The following LRRTM4 variants were observed in gnomAD, a reference collection of about 807,000 sequenced individuals.
LRRTM4 encodes leucine-rich repeat transmembrane neuronal protein 4.
A neutral mutation model predicts 47.6 loss-of-function variants in LRRTM4; 25 were observed. The observed-to-expected ratio is 0.53, with a 90% CI of 0.38 to 0.73. The LOEUF is 0.73. LRRTM4 is among the 30% of genes least tolerant of loss of function. The pLI is 0.00. For missense variants in LRRTM4, 638 were observed against 713.4 expected, an observed-to-expected ratio of 0.89 and a Z score of 1.20; for synonymous variants, 311 against 269.5, an observed-to-expected ratio of 1.15 and a Z score of -1.51.
chr2:77,188,683 T>C (rs1037426905), intron 3 of LRRTM4, among the ~76,000 whole-genome samples: 2 of 152,146 alleles, frequency 1.3e-5, no homozygotes, highest in Admixed American at 6.6e-5. Flanking sequence ...GACGATAACA[T>C]CTAATGTGTG....
At chr2:77,124,418 C>G (rs937272916) in intron 3 of LRRTM4, among the ~76,000 whole-genome samples, 1 of 152,040 alleles carries the variant, frequency 6.6e-6, no homozygotes, top group Non-Finnish European at 1.5e-5. Context: ...TTTTAGCCCC[C>G]CTCCCGCCAA....
At chr2:77,388,815 G>A (rs547531925) in intron 3 of LRRTM4, among the ~76,000 whole-genome samples, 3 of 151,922 alleles carry the variant, frequency 2.0e-5, no homozygotes, top group South Asian at 4.1e-4. Flanking sequence ...TAAAAAATCT[G>A]TATGTATTTA....
intron 3 of LRRTM4, among the ~76,000 whole-genome samples, chr2:77,102,560 T>C (rs1378169935): frequency 2.0e-5 from 3 of 152,246 alleles, no homozygotes; most frequent in Non-Finnish European, 4.4e-5. Context: ...TCTCCTGTTT[T>C]ATAAAACTTT....
At position 77,354,510 on chromosome 2, in the gene LRRTM4, G is replaced by A. The variant is rs567973298; in HGVS notation, c.1551+163808C>T. ...CTATCACTAACCAACTATGTGACTC[G>A]GTAAGTTTCCCAGAAGCAAACCTTG... On this transcript the variant is annotated intron_variant, in intron 3 of 3. Coordinates refer to ENST00000409884, the MANE Select transcript of LRRTM4 (RefSeq NM_001134745.3). Among the ~76,000 whole-genome samples the A allele has an allele frequency of 7.2e-5, 11 of 152,072 alleles. No individual in the cohort carries two copies. The South Asian group carries it at 2.1e-3, about 29-fold the overall frequency.
At chr2:76,764,219 TAA>T (rs1403496686) in intron 3 of LRRTM4, among the ~76,000 whole-genome samples, 2 of 152,154 alleles carry the variant, frequency 1.3e-5, no homozygotes, top group Non-Finnish European at 2.9e-5. Flanking sequence ...AACCAGAACT[TAA>T]AGATTTGGAG....
chr2:77,245,301 C>A (rs11888579), intron 3 of LRRTM4, among the ~76,000 whole-genome samples: 1 of 151,836 alleles, frequency 6.6e-6, no homozygotes, highest in Non-Finnish European at 1.5e-5. Flanking sequence ...AATCCTAGCA[C>A]TTTGGGAAGC....
intron 3 of LRRTM4, among the ~76,000 whole-genome samples, chr2:77,329,799 ACT>A (rs2104247514): frequency 6.6e-6 from 1 of 152,234 alleles, no homozygotes; most frequent in South Asian, 2.1e-4. Flanking sequence ...GTGAAGGATA[ACT>A]TATAGAGGGG....
chr2:77,500,624 T>C (rs894699807), intron 3 of LRRTM4, among the ~76,000 whole-genome samples: 2 of 151,582 alleles, frequency 1.3e-5, no homozygotes, highest in Non-Finnish European at 3.0e-5. Flanking sequence ...TAAATGAAAA[T>C]CAACATAAGT....
intron 3 of LRRTM4, among the ~76,000 whole-genome samples, chr2:76,844,038 A>G (rs1671767499): frequency 6.6e-6 from 1 of 151,308 alleles, no homozygotes; most frequent in Admixed American, 6.6e-5. Flanking sequence ...ATTAGCTGGA[A>G]CTACAGGCGC....
At chr2:76,761,451 T>C (rs999109866) in intron 3 of LRRTM4, among the ~76,000 whole-genome samples, 1 of 152,170 alleles carries the variant, frequency 6.6e-6, no homozygotes, top group Admixed American at 6.5e-5. Context: ...TGCAATTCAG[T>C]TGGGTAAGTT....
chr2:77,408,601 C>G (rs924931048), intron 3 of LRRTM4, among the ~76,000 whole-genome samples: 2 of 152,162 alleles, frequency 1.3e-5, no homozygotes, highest in Non-Finnish European at 2.9e-5. Flanking sequence ...AACTGGACCA[C>G]TGACTGCTAT....
intron 3 of LRRTM4, chr2:76,987,424 A>T (rs777721520): frequency 3.3e-5 from 5 of 151,894 alleles, no homozygotes; most frequent in Non-Finnish European, 7.4e-5. Context: ...TAGAGCAGTG[A>T]TTTCCAAATG....
At chr2:77,085,713 A>G (rs974776330) in intron 3 of LRRTM4, among the ~76,000 whole-genome samples, 4 of 152,200 alleles carry the variant, frequency 2.6e-5, no homozygotes, top group African/African-American at 9.6e-5. Context: ...GTCTCTTTCA[A>G]AAGTGGTGTC....
intron 3 of LRRTM4, among the ~76,000 whole-genome samples, chr2:77,124,725 A>C (rs1296468487): frequency 6.6e-6 from 1 of 152,152 alleles, no homozygotes; most frequent in African/African-American, 2.4e-5. Flanking sequence ...AGCCATCAGC[A>C]TGATGTGCGT....
chr2:77,217,440 A>AATAAATAT (rs1486543423), intron 3 of LRRTM4, among the ~76,000 whole-genome samples: 2 of 76,818 alleles, frequency 2.6e-5, no homozygotes, highest in Admixed American at 1.8e-4. Flanking sequence ...CTCCAAATGA[A>AATAAATAT]ATATATATAT....
intron 3 of LRRTM4, among the ~76,000 whole-genome samples, chr2:76,982,910 T>G (rs1205351961): frequency 6.6e-6 from 1 of 152,102 alleles, no homozygotes; most frequent in Non-Finnish European, 1.5e-5. Flanking sequence ...GACATGGCTC[T>G]TTTGCAATAG....
intron 3 of LRRTM4, among the ~76,000 whole-genome samples, chr2:76,762,617 G>A (rs1673298197): frequency 1.3e-5 from 2 of 152,136 alleles, no homozygotes; most frequent in African/African-American, 4.8e-5. Context: ...AACATGAAAA[G>A]GCTCCATGAT....
In LRRTM4 at chr2:77,083,808, T is replaced by G. The variant is rs1346696869; in HGVS notation, c.1552-334892A>C. 8.4e-3 allele frequency among the ~76,000 whole-genome samples: 965 copies of G among 114,780 alleles called. 11 individuals are homozygous for G. The highest frequency in any genetic ancestry group is 0.017 in the Middle Eastern group (4 of 242). The allele number at this position is 114,780 out of a possible 152,430, so 75.3% of individuals were successfully genotyped here. ...CTTTTTTTTTTTTTTTTTTTTTTTT[T>G]TTTTTTTTTTTTTTCAGACGGAGTC... On this transcript the variant is annotated intron_variant, in intron 3 of 3. Transcript: ENST00000409884.
intron 3 of LRRTM4, among the ~76,000 whole-genome samples, chr2:76,961,387 A>G (rs1449186841): frequency 6.7e-6 from 1 of 150,082 alleles, no homozygotes; most frequent in African/African-American, 2.5e-5. Context: ...TAGCTTGCCA[A>G]TATTTTTATA....
Sources: allele counts gnomAD v4.1 joint callset (sites outside exome capture counted in the v4.1 genomes callset), GRCh38; gene constraint gnomAD v4.1.1; transcripts MANE v1.5; gene names NCBI Gene and HGNC (gene_info 2026-07-23, HGNC 2026-07-21).